Variants in SCAND1 observed in about 807,000 individuals in gnomAD.
The protein encoded by SCAND1 is SCAN domain containing 1, also known as SCAN domain-containing protein 1.
In SCAND1, 3 loss-of-function variants were observed where a neutral mutation model predicts 3.4. The observed-to-expected ratio is 0.87, with a 90% CI of 0.40 to 2.25. The LOEUF (loss-of-function observed/expected upper bound fraction) is 2.25. SCAND1 is among the 30% of genes most tolerant of loss of function. SCAND1 has a pLI of 0.05. For missense variants in SCAND1, 303 were observed against 258.8 expected, an observed-to-expected ratio of 1.17 and a Z score of -1.17; for synonymous variants, 152 against 120.5, an observed-to-expected ratio of 1.26 and a Z score of -1.72.
upstream of SCAND1, chr20:35,954,603 G>C: frequency 7.2e-7 from 1 of 1,383,294 alleles, no homozygotes; most frequent in Non-Finnish European, 9.6e-7. Flanking sequence ...TGCCCTCGCG[G>C]TGCGGGAGGG....
chr20:35,954,964 A>G, upstream of SCAND1: 1 of 211,266 alleles, frequency 4.7e-6, no homozygotes, highest in Non-Finnish European at 1.1e-5. Flanking sequence ...TCAAACTAGG[A>G]GGGCGATAGC....
At chr20:35,954,661 C>A, upstream of SCAND1, 6 of 1,259,188 alleles carry the variant, frequency 4.8e-6, no homozygotes, top group Non-Finnish European at 6.2e-6. Flanking sequence ...CGCCTCTGAG[C>A]GCCAGTTCGA....
At position 35,953,998 on chromosome 20, in the gene SCAND1, C is replaced by G. The variant is rs200514568; in HGVS notation, c.287G>C (p.Gly96Ala). Residue 96 changes from glycine to alanine, a missense_variant, in exon 2 of 2, where the codon GGC (glycine) becomes GCC (alanine). Transcript: ENST00000305978. ...GGGACCGAGTCTAGAGCCGGCGGGGCCTGGTGTGGAGCGCGCTTCAGCTTC... is the reference window on the plus strand; with the variant it reads ...GGGACCGAGTCTAGAGCCGGCGGGGGCTGGTGTGGAGCGCGCTTCAGCTTC... ...QAEAEARSTP[G>A]PAGSRLGPET... The G allele has an allele frequency of 3.9e-6, 6 of 1,549,832 alleles. No homozygotes were observed. The Admixed American group carries it at 1.2e-4, about 30-fold the overall frequency.
upstream of SCAND1, chr20:35,958,883 T>C (rs562534407): frequency 6.6e-6 from 1 of 152,370 alleles, no homozygotes; most frequent in East Asian, 1.9e-4. Flanking sequence ...TAGTGTATAA[T>C]CATTTGGGCT....
In SCAND1 at chr20:35,953,800, T is replaced by A; in HGVS notation, c.485A>T (p.Glu162Val). 17 of 1,437,146 alleles carry A rather than the reference T, an allele frequency of 1.2e-5. No homozygotes were observed. Among genetic ancestry groups the A allele is most frequent in the Admixed American group, 2.0e-5 (1 of 51,020 alleles). The allele number at this position is 1,437,146 out of a possible 1,614,324, so 89.0% of individuals were successfully genotyped here. A position where few individuals can be genotyped will look rare whatever the true frequency, so the allele number is the denominator to read the frequency against. ...GCGGATCCGCCGGGCCCGAGCCGCC[T>A]CGGGCAGGATGGCGAGCAGCTGCTC... is the stretch of plus-strand genomic sequence containing the variant. ...VQEQLLAILP[E>V]AARARRIRRR... The change falls in exon 2 of 2, where the codon GAG (glutamate) becomes GTG (valine). Residue 162 changes from glutamate (E) to valine (V), a missense_variant. Transcript: ENST00000305978.
chr20:35,959,235 A>T (rs1002826552), upstream of SCAND1, among the ~76,000 whole-genome samples: 1 of 152,204 alleles, frequency 6.6e-6, no homozygotes, highest in African/African-American at 2.4e-5. Context: ...TCATTTTTTT[A>T]AAACCGATGG....
upstream of SCAND1, among the ~76,000 whole-genome samples, chr20:35,955,920 C>T (rs917246240): frequency 6.6e-6 from 1 of 152,176 alleles, no homozygotes; most frequent in Non-Finnish European, 1.5e-5. Flanking sequence ...GGAGTTTCAC[C>T]GTGTTGGCCA....
At chr20:35,956,486 T>C (rs1200922485), upstream of SCAND1, among the ~76,000 whole-genome samples, 1 of 152,190 alleles carries the variant, frequency 6.6e-6, no homozygotes, top group Non-Finnish European at 1.5e-5. Context: ...TCTCAACCAT[T>C]CCCTATGGTT....
In SCAND1 at chr20:35,954,310, T is replaced by C. The variant is rs544243692; in HGVS notation, c.-26A>G. ...AACTCCAGCTCCGGGCGTCACTCTT[T>C]GTCCGGTAGCTGTGTGCTCAGCACT... On this transcript the variant is annotated 5_prime_UTR_variant, in exon 2 of 2. Transcript: ENST00000305978. 4 of 1,613,236 alleles carry C rather than the reference T, an allele frequency of 2.5e-6. No homozygotes were observed. Among genetic ancestry groups the C allele is most frequent in the Non-Finnish European group, 3.4e-6 (4 of 1,179,810 alleles).
At chr20:35,958,698 A>G (rs892828324), upstream of SCAND1, among the ~76,000 whole-genome samples, 3 of 152,110 alleles carry the variant, frequency 2.0e-5, no homozygotes, top group Admixed American at 1.3e-4. Flanking sequence ...GATTAATGCA[A>G]CTACTACCAC....
At chr20:35,954,639 T>A, upstream of SCAND1, 1 of 1,298,564 alleles carries the variant, frequency 7.7e-7, no homozygotes, top group Admixed American at 3.1e-5. Context: ...CTGGGCTCCT[T>A]CCGAATGGTG....
upstream of SCAND1, among the ~76,000 whole-genome samples, chr20:35,956,371 A>C (rs929666348): frequency 2.0e-5 from 3 of 152,202 alleles, no homozygotes; most frequent in Admixed American, 2.0e-4. Flanking sequence ...GAAAAAACGG[A>C]AGAGCTGGCC....
chr20:35,957,662 A>G (rs1250905773), upstream of SCAND1: 1 of 152,198 alleles, frequency 6.6e-6, no homozygotes, highest in Non-Finnish European at 1.5e-5. Context: ...GAACCCTCCC[A>G]GAAGTCCCAG....
Position 35,953,708 on chromosome 20 carries a change from C to G in SCAND1, c.*37G>C. 7.3e-7 allele frequency: 1 copy of G among 1,363,960 alleles called. No homozygotes were observed. The highest frequency in any genetic ancestry group is 9.5e-7 in the Non-Finnish European group (1 of 1,048,464). 84.5% of individuals were successfully genotyped at this position (1,363,960 alleles called of 1,614,324 possible). ...GGCCCGATCATGGCCCCAGTCCGCACAGAGCGCCCGGCCCTGGCCGCCCGC... is the reference window on the plus strand; with the variant it reads ...GGCCCGATCATGGCCCCAGTCCGCAGAGAGCGCCCGGCCCTGGCCGCCCGC... On this transcript the variant is annotated 3_prime_UTR_variant, in exon 2 of 2. Coordinates refer to ENST00000305978, the MANE Select transcript of SCAND1 (RefSeq NM_033630.3).
At position 35,953,876 on chromosome 20, in the gene SCAND1, G is replaced by A. The variant is rs1228278078; in HGVS notation, c.409C>T (p.Leu137=). The A allele has an allele frequency of 6.3e-7, 1 of 1,588,814 alleles. No individual in the cohort carries two copies. Among genetic ancestry groups the A allele is most frequent in the Non-Finnish European group, 8.5e-7 (1 of 1,169,750 alleles). The change falls in exon 2 of 2, where the codon CTG becomes TTG. Residue 137 remains leucine, a synonymous_variant. Transcript: ENST00000305978. The stretch of plus-strand genomic sequence containing the variant: ...TCCTTGGTGCGGATGTCAGGCCGCA[G>A]CCACTGGCGGGACAGCTCCCGCAGC... ...RQLRELSRQW[L]RPDIRTKEQI... is the part of the protein sequence containing the mutation.
upstream of SCAND1, chr20:35,957,692 T>G (rs550872604): frequency 1.1e-4 from 17 of 152,282 alleles, no homozygotes; most frequent in African/African-American, 3.8e-4. Flanking sequence ...AAAATATACA[T>G]TTATATTTCA....
chr20:35,954,665 A>G, upstream of SCAND1: 1 of 1,246,518 alleles, frequency 8.0e-7, no homozygotes, highest in Non-Finnish European at 1.0e-6. Flanking sequence ...TCTGAGCGCC[A>G]GTTCGAGGAG....
upstream of SCAND1, among the ~76,000 whole-genome samples, chr20:35,957,114 C>A (rs146869457): frequency 6.6e-6 from 1 of 152,194 alleles, no homozygotes; most frequent in East Asian, 1.9e-4. Flanking sequence ...CTATTGAAAT[C>A]GTGAATTATT....
At chr20:35,958,376 G>T (rs142137277), upstream of SCAND1, among the ~76,000 whole-genome samples, 2 of 152,184 alleles carry the variant, frequency 1.3e-5, no homozygotes, top group African/African-American at 4.8e-5. Context: ...AGGTTGCAGT[G>T]AGCTGAGATC....
Sources: allele counts gnomAD v4.1 joint callset (sites outside exome capture counted in the v4.1 genomes callset), GRCh38; gene constraint gnomAD v4.1.1; transcripts MANE v1.5; gene names NCBI Gene and HGNC (gene_info 2026-07-23, HGNC 2026-07-21).